DTWD2: variants seen among roughly 807,000 people sequenced by gnomAD.
The protein encoded by DTWD2 is tRNA-uridine aminocarboxypropyltransferase 2.
DTWD2 carries 39 observed loss-of-function variants against 31.8 expected under a neutral mutation model. The ratio of observed to expected loss-of-function variants is 1.22; its 90% CI spans 0.95 to 1.60. The LOEUF (loss-of-function observed/expected upper bound fraction) is 1.60, where lower values mean the gene tolerates loss of function less well. DTWD2 is among the 40% of genes most tolerant of loss of function. The probability of loss-of-function intolerance (pLI) is 0.00; values close to 1 mark genes in which losing one functional copy is unlikely to be tolerated. For synonymous variants in DTWD2, 180 were observed against 142.8 expected (o/e 1.26, Z -1.86); for missense variants, 515 against 381.5 (o/e 1.35, Z -2.92).
chr5:118,846,393 T>G (rs1347233330), intron 5 of DTWD2, among the ~76,000 whole-genome samples: 1 of 152,126 alleles, frequency 6.6e-6, no homozygotes, highest in African/African-American at 2.4e-5. Context: ...GCAGTAAAGA[T>G]CCAATTCCAG....
intron 4 of DTWD2, among the ~76,000 whole-genome samples, chr5:118,917,725 A>T (rs2149573735): frequency 6.6e-6 from 1 of 152,274 alleles, no homozygotes; most frequent in East Asian, 1.9e-4. Context: ...TAATCCCAGC[A>T]CTTTGGGAGG....
intron 4 of DTWD2, among the ~76,000 whole-genome samples, chr5:118,920,344 G>GT (rs1753674078): frequency 6.6e-6 from 1 of 151,604 alleles, no homozygotes; most frequent in Non-Finnish European, 1.5e-5. Flanking sequence ...ATATATTATT[G>GT]TATTATATAT....
At chr5:118,975,499 A>T (rs926127755) in intron 1 of DTWD2, among the ~76,000 whole-genome samples, 1 of 152,092 alleles carries the variant, frequency 6.6e-6, no homozygotes, top group African/African-American at 2.4e-5. Context: ...GGAATTTGAT[A>T]TTACCCACTT....
At chr5:118,968,865 A>G (rs1204046063) in intron 1 of DTWD2, among the ~76,000 whole-genome samples, 1 of 152,182 alleles carries the variant, frequency 6.6e-6, no homozygotes, top group Non-Finnish European at 1.5e-5. Flanking sequence ...TCACATGTTA[A>G]CACCCACTGG....
intron 4 of DTWD2, among the ~76,000 whole-genome samples, chr5:118,884,848 T>C (rs986561730): frequency 6.6e-6 from 1 of 150,542 alleles, no homozygotes; most frequent in African/African-American, 2.5e-5. Context: ...CTACTTAAAA[T>C]ACAAAAAATT....
chr5:118,882,593 A>T (rs1288874398), intron 4 of DTWD2, among the ~76,000 whole-genome samples: 1 of 152,240 alleles, frequency 6.6e-6, no homozygotes, highest in African/African-American at 2.4e-5. Flanking sequence ...GTTTCCATAC[A>T]TCCTTTGAAA....
At chr5:118,984,460 CAAA>C (rs955298520) in intron 1 of DTWD2, among the ~76,000 whole-genome samples, 2 of 74,594 alleles carry the variant, frequency 2.7e-5, no homozygotes, top group Non-Finnish European at 5.9e-5. Context: ...GACTCCGTTT[CAAA>C]AAAAAAAAAA....
chr5:118,868,125 T>C (rs543821554), intron 4 of DTWD2, among the ~76,000 whole-genome samples: 1 of 152,058 alleles, frequency 6.6e-6, no homozygotes, highest in South Asian at 2.1e-4. Context: ...AATGGTAAAA[T>C]GATTTTCAAT....
intron 3 of DTWD2, among the ~76,000 whole-genome samples, chr5:118,932,078 C>A (rs1007839467): frequency 6.6e-6 from 1 of 152,030 alleles, no homozygotes; most frequent in African/African-American, 2.4e-5. Flanking sequence ...AGCAAAAGCA[C>A]TGCTTAGAGA....
intron 1 of DTWD2, among the ~76,000 whole-genome samples, chr5:118,965,237 C>CGCCCGACA (rs1477166542): frequency 6.6e-6 from 1 of 151,622 alleles, no homozygotes; most frequent in African/African-American, 2.4e-5. Context: ...GGAGCATCTC[C>CGCCCGACA]GCCCGACAGC....
At chr5:118,985,147 A>C (rs1755395986) in intron 1 of DTWD2, among the ~76,000 whole-genome samples, 1 of 151,702 alleles carries the variant, frequency 6.6e-6, no homozygotes, top group African/African-American at 2.4e-5. Flanking sequence ...CCTTCTCCCA[A>C]ACTCCCCAAA....
chr5:118,924,528 G>T (rs1294278057), intron 4 of DTWD2, among the ~76,000 whole-genome samples: 1 of 152,172 alleles, frequency 6.6e-6, no homozygotes, highest in South Asian at 2.1e-4. Context: ...AGCCTATTAT[G>T]TAATTAAATG....
intron 4 of DTWD2, among the ~76,000 whole-genome samples, chr5:118,856,111 A>G (rs150106869): frequency 1.2e-4 from 19 of 152,296 alleles, no homozygotes; most frequent in African/African-American, 4.3e-4. Flanking sequence ...ACGGATGTCC[A>G]TAATAAAACA....
chr5:118,965,292 C>T (rs949004558), intron 1 of DTWD2, among the ~76,000 whole-genome samples: 5 of 151,290 alleles, frequency 3.3e-5, no homozygotes, highest in African/African-American at 7.3e-5. Flanking sequence ...CGGCCAGCCT[C>T]CCCGTCCGGG....
intron 4 of DTWD2, among the ~76,000 whole-genome samples, chr5:118,877,736 G>C (rs950552956): frequency 1.3e-5 from 2 of 152,174 alleles, no homozygotes; most frequent in African/African-American, 4.8e-5. Context: ...AAGGAAGAGA[G>C]AAAGTCAAAC....
intron 4 of DTWD2, among the ~76,000 whole-genome samples, chr5:118,866,051 A>G (rs1228494696): frequency 6.6e-6 from 1 of 151,818 alleles, no homozygotes. Context: ...ATTTCTGGGA[A>G]GGAGAGTAAC....
At chr5:118,965,409 C>G (rs1281591569) in intron 1 of DTWD2, among the ~76,000 whole-genome samples, 2 of 149,144 alleles carry the variant, frequency 1.3e-5, no homozygotes, top group Non-Finnish European at 3.0e-5. Flanking sequence ...CCGGCCGCCA[C>G]CCCGTCTGGG....
intron 4 of DTWD2, among the ~76,000 whole-genome samples, chr5:118,886,412 T>A (rs1279815759): frequency 6.6e-6 from 1 of 152,146 alleles, no homozygotes; most frequent in Admixed American, 6.5e-5. Context: ...GTGGGTACTA[T>A]GGAAATAGTG....
At chr5:118,841,830 C>T (rs563239893) in intron 5 of DTWD2, among the ~76,000 whole-genome samples, 1 of 152,018 alleles carries the variant, frequency 6.6e-6, no homozygotes, top group South Asian at 2.1e-4. Context: ...GGGTGAGATT[C>T]CTTCCTTGGG....
Sources: gnomAD v4.1 joint callset for allele counts (sites outside exome capture counted in the v4.1 genomes callset) on GRCh38, gnomAD v4.1.1 for gene constraint, MANE v1.5 for transcripts, NCBI Gene and HGNC (gene_info 2026-07-23, HGNC 2026-07-21) for gene names.